The following FRA10AC1 variants were observed in gnomAD, a reference collection of about 807,000 sequenced individuals.
The protein encoded by FRA10AC1 is FRA10A associated CGG repeat 1.
Under a neutral mutation model 56.5 loss-of-function variants are expected in FRA10AC1, and 43 were observed. That is an observed-to-expected ratio of 0.76 (90% confidence interval 0.60 to 0.98). The LOEUF is 0.98. Among genes scored for constraint, FRA10AC1 ranks in the 50% least tolerant of loss-of-function variants. FRA10AC1 has a pLI of 0.00. For synonymous variants in FRA10AC1, 112 were observed against 110.5 expected, an observed-to-expected ratio of 1.01 and a Z score of -0.09; for missense variants, 346 against 351.8, an observed-to-expected ratio of 0.98 and a Z score of 0.13.
chr10:93,685,130 AAG>A, intron 9 of FRA10AC1, 114 bp downstream of exon 9: 1 of 612,946 alleles, frequency 1.6e-6, no homozygotes, highest in Non-Finnish European at 2.9e-6. Context: ...TCCAAGAAAA[AAG>A]AGCACTTCCA....
rs1383131624 is a variant in FRA10AC1 at position 93,669,467 on chromosome 10, G to A, written c.*359C>T. On this transcript the variant is annotated 3_prime_UTR_variant, in exon 14 of 14. Coordinates refer to ENST00000359204, the MANE Select transcript of FRA10AC1 (RefSeq NM_145246.5). ...TTGGTGGCTCTAAAAAAGAGAAAAA[G>A]AAGAAATAATAAAATAAAATAATGA... 1.2e-5 allele frequency: 2 copies of A among 167,040 alleles called. No homozygotes were observed. Among genetic ancestry groups the A allele is most frequent in the Non-Finnish European group, 2.5e-5 (2 of 78,504 alleles). The allele number at this position is 167,040 out of a possible 1,614,324, so 10.3% of individuals were successfully genotyped here.
At chr10:93,681,718 T>C (rs910692296) in intron 10 of FRA10AC1, 120 bp from the exon 11 acceptor site, 1 of 887,436 alleles carries the variant, frequency 1.1e-6, no homozygotes, top group Non-Finnish European at 1.6e-6. Context: ...ATGTGATTTA[T>C]ATAATAAGGA....
intron 2 of FRA10AC1, 97 bp downstream of exon 2, chr10:93,699,933 T>A (rs1188498979): frequency 1.6e-5 from 11 of 694,952 alleles, no homozygotes; most frequent in Non-Finnish European, 2.7e-5. Flanking sequence ...TGTCTTCACA[T>A]GTAAACAGAA....
At chr10:93,675,382 T>TA (rs1449939358) in intron 12 of FRA10AC1, 2 of 152,154 alleles carry the variant, frequency 1.3e-5, no homozygotes, top group Non-Finnish European at 1.5e-5. Flanking sequence ...TTTAAAGTCA[T>TA]AAAAAATTTT....
chr10:93,696,620 A>G (rs536443696), intron 4 of FRA10AC1, among the ~76,000 whole-genome samples: 19 of 152,368 alleles, frequency 1.2e-4, no homozygotes, highest in African/African-American at 4.6e-4. Flanking sequence ...ACCAAAAGGA[A>G]TATAAATCAT....
At chr10:93,701,460 G>A (rs568839171) in intron 1 of FRA10AC1, among the ~76,000 whole-genome samples, 1 of 152,080 alleles carries the variant, frequency 6.6e-6, no homozygotes, top group Non-Finnish European at 1.5e-5. Flanking sequence ...TATTAAATAA[G>A]ATAGCTACAT....
Position 93,681,602 on chromosome 10 carries a change from T to C in FRA10AC1, c.669-4A>G, listed in dbSNP as rs2058937242. 4 of 1,489,660 alleles carry C rather than the reference T, an allele frequency of 2.7e-6. No homozygotes were observed. In the African/African-American group the frequency reaches 5.8e-5, roughly 22 times the overall value. 92.3% of individuals were successfully genotyped at this position (1,489,660 alleles called of 1,614,324 possible). On this transcript the variant is annotated splice_polypyrimidine_tract_variant and splice_region_variant and intron_variant, in intron 10 of 13. Transcript: ENST00000359204. ...TTTTGACTTGATTTCTTTTCTCCTT[T>C]GTGTTAAACAATATAAAATTAAAGT...
At chr10:93,671,721 TATA>T (rs2058765012) in intron 12 of FRA10AC1, 1 of 253,896 alleles carries the variant, frequency 3.9e-6, no homozygotes. Context: ...GTATGCATAG[TATA>T]ATAGATATGT....
At chr10:93,686,792 A>G (rs887312428) in intron 8 of FRA10AC1, among the ~76,000 whole-genome samples, 1 of 151,900 alleles carries the variant, frequency 6.6e-6, no homozygotes, top group African/African-American at 2.4e-5. Flanking sequence ...ATTACTCAGT[A>G]AGGAGCTAAT....
intron 8 of FRA10AC1, among the ~76,000 whole-genome samples, chr10:93,686,822 T>C (rs1448796390): frequency 2.0e-5 from 3 of 151,868 alleles, no homozygotes; most frequent in African/African-American, 7.2e-5. Flanking sequence ...AGAGACAGTA[T>C]GGAGATACAC....
intron 12 of FRA10AC1, chr10:93,672,196 T>C (rs1278278215): frequency 3.0e-6 from 1 of 335,624 alleles, no homozygotes; most frequent in Non-Finnish European, 5.7e-6. Flanking sequence ...TTCTAGCCTT[T>C]TACCTGTTGG....
chr10:93,702,821 G>GC, upstream of FRA10AC1, among the ~76,000 whole-genome samples: 1 of 151,648 alleles, frequency 6.6e-6, no homozygotes, highest in East Asian at 1.9e-4. Context: ...ACTGCTTGCT[G>GC]CTTAGCCCAC....
At chr10:93,680,917 C>A (rs1379437763) in intron 11 of FRA10AC1, among the ~76,000 whole-genome samples, 2 of 152,156 alleles carry the variant, frequency 1.3e-5, no homozygotes, top group African/African-American at 4.8e-5. Flanking sequence ...AGTATAGGTG[C>A]ACAGCACCAT....
intron 2 of FRA10AC1, among the ~76,000 whole-genome samples, 188 bp downstream of exon 2, chr10:93,699,842 T>C (rs982733804): frequency 2.0e-5 from 3 of 152,242 alleles, no homozygotes; most frequent in African/African-American, 2.4e-5. Context: ...GCAGAATTAA[T>C]TTTTATTTTT....
At chr10:93,692,123 A>G in intron 6 of FRA10AC1, 30 bp from the exon 7 acceptor site, 1 of 1,411,876 alleles carries the variant, frequency 7.1e-7, no homozygotes, top group Non-Finnish European at 9.3e-7. Context: ...AATATTATAC[A>G]TTTAGAAACT....
intron 10 of FRA10AC1, among the ~76,000 whole-genome samples, chr10:93,683,717 A>G (rs1177509964): frequency 6.6e-6 from 1 of 152,188 alleles, no homozygotes; most frequent in Non-Finnish European, 1.5e-5. Context: ...AACTCCAGCT[A>G]AAACACTGTC....
At chr10:93,676,508 C>G (rs1462661871) in intron 12 of FRA10AC1, 145 bp downstream of exon 12, 1 of 1,283,044 alleles carries the variant, frequency 7.8e-7, no homozygotes, top group Non-Finnish European at 1.0e-6. Flanking sequence ...CACTTTTGGC[C>G]TTTTTTCTAC....
At chr10:93,673,812 T>C (rs1428417991) in intron 12 of FRA10AC1, 2 of 446,426 alleles carry the variant, frequency 4.5e-6, no homozygotes, top group Non-Finnish European at 8.9e-6. Context: ...GTAGGTCTCT[T>C]TATACCCATT....
At chr10:93,690,999 GA>G (rs1156274155) in intron 7 of FRA10AC1, among the ~76,000 whole-genome samples, 1 of 152,066 alleles carries the variant, frequency 6.6e-6, no homozygotes, top group Non-Finnish European at 1.5e-5. Context: ...TGATTTAAAT[GA>G]CAAATAAATC....
Sources: gnomAD v4.1 joint callset for allele counts (sites outside exome capture counted in the v4.1 genomes callset) on GRCh38, gnomAD v4.1.1 for gene constraint, MANE v1.5 for transcripts, NCBI Gene and HGNC (gene_info 2026-07-23, HGNC 2026-07-21) for gene names.